Variants in ARB2A observed in about 807,000 individuals in gnomAD.
The protein encoded by ARB2A is cotranscriptional regulator ARB2A.
chr5:93,830,116 C>T, the ARB2A span, among the ~76,000 whole-genome samples: 13 of 151,594 alleles, frequency 8.6e-5, no homozygotes, highest in South Asian at 4.2e-4. Context: ...ATACTGAACA[C>T]CTCATCACCC....
chr5:93,875,151 A>G, the ARB2A span, among the ~76,000 whole-genome samples: 3 of 152,128 alleles, frequency 2.0e-5, no homozygotes, highest in Non-Finnish European at 4.4e-5. Flanking sequence ...TACTTTTCAG[A>G]CAAAAACTCA....
chr5:94,019,302 T>C, the ARB2A span, among the ~76,000 whole-genome samples: 3 of 152,126 alleles, frequency 2.0e-5, no homozygotes, highest in African/African-American at 4.8e-5. Context: ...AAAGCCAAAA[T>C]TGACAAATGG....
the ARB2A span, among the ~76,000 whole-genome samples, chr5:94,020,842 A>G: frequency 6.6e-6 from 1 of 152,220 alleles, no homozygotes; most frequent in Non-Finnish European, 1.5e-5. Flanking sequence ...CTAAAACTTA[A>G]GGAAAAAGCC....
chr5:94,037,990 G>A, the ARB2A span, among the ~76,000 whole-genome samples: 1 of 151,994 alleles, frequency 6.6e-6, no homozygotes, highest in Non-Finnish European at 1.5e-5. Flanking sequence ...CCATCAATAA[G>A]AAAACAAGCT....
chr5:93,830,311 G>GCATATATATA, the ARB2A span, among the ~76,000 whole-genome samples: 1 of 82,260 alleles, frequency 1.2e-5, no homozygotes, highest in African/African-American at 5.2e-5. Context: ...GTGTGTGTGT[G>GCATATATATA]TATATATATA....
At chr5:93,999,674 T>A in the ARB2A span, among the ~76,000 whole-genome samples, 1 of 151,974 alleles carries the variant, frequency 6.6e-6, no homozygotes, top group East Asian at 1.9e-4. Flanking sequence ...CATTGAGACA[T>A]CATAATCACC....
the ARB2A span, among the ~76,000 whole-genome samples, chr5:94,063,716 T>G: frequency 6.6e-6 from 1 of 152,008 alleles, no homozygotes; most frequent in Non-Finnish European, 1.5e-5. Flanking sequence ...CACTAACAAC[T>G]GCACTCTAAG....
chr5:94,076,537 C>A, the ARB2A span, among the ~76,000 whole-genome samples: 1 of 152,286 alleles, frequency 6.6e-6, no homozygotes, highest in East Asian at 1.9e-4. Context: ...AACTGCCAAG[C>A]AGCCACAAAG....
At chr5:94,096,647 G>A in the ARB2A span, among the ~76,000 whole-genome samples, 2 of 152,100 alleles carry the variant, frequency 1.3e-5, no homozygotes, top group South Asian at 2.1e-4. Context: ...CAATCTAGAC[G>A]ATGATTAAAT....
chr5:93,939,615 A>G, the ARB2A span, among the ~76,000 whole-genome samples: 3 of 152,222 alleles, frequency 2.0e-5, no homozygotes, highest in East Asian at 1.9e-4. Context: ...AATTTTTAAA[A>G]TAAGTTTCTT....
At chr5:93,826,976 T>C in the ARB2A span, among the ~76,000 whole-genome samples, 1 of 152,104 alleles carries the variant, frequency 6.6e-6, no homozygotes, top group African/African-American at 2.4e-5. Flanking sequence ...GTGCCACGTT[T>C]TTTTAATCCG....
At chr5:94,045,330 C>T in the ARB2A span, among the ~76,000 whole-genome samples, 1 of 151,956 alleles carries the variant, frequency 6.6e-6, no homozygotes, top group Non-Finnish European at 1.5e-5. Flanking sequence ...TTTTACTTTA[C>T]TTTATGAACT....
the ARB2A span, among the ~76,000 whole-genome samples, chr5:94,034,174 C>T: frequency 1.3e-5 from 2 of 152,184 alleles, no homozygotes; most frequent in Non-Finnish European, 2.9e-5. Flanking sequence ...CTCTGGAATT[C>T]TGTTATAGCA....
At chr5:93,929,768 A>G in the ARB2A span, among the ~76,000 whole-genome samples, 1 of 152,220 alleles carries the variant, frequency 6.6e-6, no homozygotes, top group African/African-American at 2.4e-5. Flanking sequence ...GAATTTATCA[A>G]CTACATAAAT....
chr5:94,072,234 A>G, the ARB2A span, among the ~76,000 whole-genome samples: 15 of 152,264 alleles, frequency 9.9e-5, no homozygotes, highest in Middle Eastern at 3.4e-3. Flanking sequence ...AGTTGGGGAC[A>G]TTCCTACAAA....
the ARB2A span, among the ~76,000 whole-genome samples, chr5:93,857,122 T>C: frequency 3.9e-5 from 6 of 152,164 alleles, no homozygotes; most frequent in Admixed American, 2.0e-4. Flanking sequence ...CGAATGCTGC[T>C]GTCTGATCGT....
chr5:93,886,007 A>G, the ARB2A span, among the ~76,000 whole-genome samples: 3 of 151,778 alleles, frequency 2.0e-5, no homozygotes, highest in Non-Finnish European at 4.4e-5. Flanking sequence ...AAACTTTGAT[A>G]GACAAATTAT....
the ARB2A span, among the ~76,000 whole-genome samples, chr5:93,632,532 A>G: frequency 7.9e-5 from 12 of 152,204 alleles, no homozygotes; most frequent in Non-Finnish European, 1.6e-4. Context: ...GTTTTATTCC[A>G]AGTTCATTGG....
chr5:93,955,927 A>G, the ARB2A span, among the ~76,000 whole-genome samples: 3 of 152,270 alleles, frequency 2.0e-5, no homozygotes, highest in Non-Finnish European at 4.4e-5. Context: ...ATGCCTAAAA[A>G]GGTGTATGTG....
Sources: allele counts gnomAD v4.1 joint callset (sites outside exome capture counted in the v4.1 genomes callset), GRCh38; gene constraint gnomAD v4.1.1; transcripts MANE v1.5; gene names NCBI Gene and HGNC (gene_info 2026-07-23, HGNC 2026-07-21).